TIAM1: variants seen among roughly 807,000 people sequenced by gnomAD.
TIAM1 encodes TIAM Rac1 associated GEF 1.
In TIAM1, 65 loss-of-function variants were observed where a neutral mutation model predicts 163.5. That is an observed-to-expected ratio of 0.40 (90% CI 0.33 to 0.49). The LOEUF (loss-of-function observed/expected upper bound fraction) is 0.49. Ranked by LOEUF, TIAM1 falls within the 20% of genes least tolerant of loss-of-function variation. The pLI, the probability that TIAM1 is intolerant of heterozygous loss-of-function variation, is 0.77. For missense variants in TIAM1, 1,789 were observed against 2,044.7 expected (o/e 0.87, Z 2.41); for synonymous variants, 833 against 810.1 (o/e 1.03, Z -0.48).
chr21:31,143,779 G>A (rs2082973604), intron 20 of TIAM1, among the ~76,000 whole-genome samples: 2 of 151,398 alleles, frequency 1.3e-5, no homozygotes, highest in South Asian at 4.2e-4. Context: ...CCAGGCTAGA[G>A]TGCGATGGCA....
chr21:31,558,855 G>A (rs2048989093), intron 1 of TIAM1: 1 of 152,058 alleles, frequency 6.6e-6, no homozygotes, highest in African/African-American at 2.4e-5. Flanking sequence ...CCGAGGCTCC[G>A]GGCATCCTCG....
intron 1 of TIAM1, among the ~76,000 whole-genome samples, chr21:31,535,126 T>C (rs2048088278): frequency 6.6e-6 from 1 of 150,660 alleles, no homozygotes; most frequent in South Asian, 2.1e-4. Flanking sequence ...CTCACGCCTG[T>C]AATCCCAGCA....
At chr21:31,220,268 G>A (rs956103415) in intron 8 of TIAM1, among the ~76,000 whole-genome samples, 1 of 152,202 alleles carries the variant, frequency 6.6e-6, no homozygotes, top group Non-Finnish European at 1.5e-5. Context: ...CAAGAGGACA[G>A]GATCTCTGCG....
At chr21:31,554,329 T>C (rs1445794129) in intron 1 of TIAM1, among the ~76,000 whole-genome samples, 2 of 152,166 alleles carry the variant, frequency 1.3e-5, no homozygotes, top group Non-Finnish European at 2.9e-5. Flanking sequence ...AAAATCATAC[T>C]CTAGCGGGGC....
At chr21:31,337,674 G>A (rs1239839759) in intron 2 of TIAM1, among the ~76,000 whole-genome samples, 1 of 151,838 alleles carries the variant, frequency 6.6e-6, no homozygotes, top group Non-Finnish European at 1.5e-5. Context: ...TGAGATTACA[G>A]GTATGTGCCA....
At chr21:31,334,036 T>C (rs1480440283) in intron 2 of TIAM1, among the ~76,000 whole-genome samples, 1 of 152,236 alleles carries the variant, frequency 6.6e-6, no homozygotes, top group Non-Finnish European at 1.5e-5. Context: ...AGTTACTACG[T>C]AGAGGTGAAA....
chr21:31,235,751 T>C (rs947659058), intron 6 of TIAM1, among the ~76,000 whole-genome samples: 2 of 152,214 alleles, frequency 1.3e-5, no homozygotes, highest in African/African-American at 4.8e-5. Flanking sequence ...ATACAGTTAG[T>C]AACATAATTT....
At chr21:31,457,552 CAA>C (rs1228083248) in intron 2 of TIAM1, among the ~76,000 whole-genome samples, 1 of 152,064 alleles carries the variant, frequency 6.6e-6, no homozygotes, top group Non-Finnish European at 1.5e-5. Context: ...AAAAGTAAGA[CAA>C]TGATAACAAA....
Position 31,521,844 on chromosome 21 carries a change from T to C in TIAM1, c.-422+37083A>G, listed in dbSNP as rs150765989. Among the ~76,000 whole-genome samples, 403 of 152,184 alleles carry C rather than the reference T, an allele frequency of 2.6e-3. 1 individual carries two copies. Among genetic ancestry groups the C allele is most frequent in the African/African-American group, 9.5e-3 (393 of 41,556 alleles). On this transcript the variant is annotated intron_variant, in intron 1 of 28. Coordinates refer to the TIAM1 transcript ENST00000286827. ...GTTAGAGTATCACTCTGGCCCAGGC[T>C]AGAATGCAGTGGTGCAATCTTGGCT...
intron 14 of TIAM1, 88 bp from the exon 15 acceptor site, chr21:31,182,733 C>T: frequency 7.4e-7 from 1 of 1,346,494 alleles, no homozygotes; most frequent in Non-Finnish European, 1.0e-6. Context: ...GGCACACCTG[C>T]TGTGGGTCTC....
chr21:31,206,234 G>T (rs1025315403), intron 11 of TIAM1, among the ~76,000 whole-genome samples: 7 of 152,096 alleles, frequency 4.6e-5, no homozygotes, highest in Non-Finnish European at 8.8e-5. Context: ...TGAATTATGA[G>T]CCCTTGTTAA....
chr21:31,319,186 C>T (rs968384716), intron 2 of TIAM1, among the ~76,000 whole-genome samples: 4 of 151,948 alleles, frequency 2.6e-5, no homozygotes, highest in African/African-American at 7.3e-5. Context: ...ACAAGCTAAA[C>T]ACCCAGACAG....
chr21:31,161,421 T>C (rs1429021096), intron 16 of TIAM1, among the ~76,000 whole-genome samples: 1 of 152,168 alleles, frequency 6.6e-6, no homozygotes, highest in Non-Finnish European at 1.5e-5. Context: ...AGAGAAAGGC[T>C]GCTAGACTGT....
chr21:31,385,456 C>T (rs982503345), intron 2 of TIAM1, among the ~76,000 whole-genome samples: 1 of 152,014 alleles, frequency 6.6e-6, no homozygotes, highest in Admixed American at 6.6e-5. Context: ...GGTCCCAAGG[C>T]ATTTTGGGGT....
intron 2 of TIAM1, among the ~76,000 whole-genome samples, chr21:31,350,180 C>T (rs764928992): frequency 1.1e-4 from 17 of 152,120 alleles, no homozygotes; most frequent in Non-Finnish European, 2.2e-4. Context: ...CCAGAGAGTC[C>T]CTACTGTGGG....
At chr21:31,178,072 T>C (rs1477156843) in intron 15 of TIAM1, among the ~76,000 whole-genome samples, 1 of 152,254 alleles carries the variant, frequency 6.6e-6, no homozygotes, top group Admixed American at 6.5e-5. Context: ...TTTTCTATTT[T>C]AACTGCAGTG....
chr21:31,383,245 A>G (rs1375265870), intron 2 of TIAM1, among the ~76,000 whole-genome samples: 1 of 152,178 alleles, frequency 6.6e-6, no homozygotes, highest in Admixed American at 6.5e-5. Context: ...CTCTCAAAAA[A>G]AAAAGTGTAA....
At chr21:31,237,622 T>C (rs1406637767) in intron 6 of TIAM1, among the ~76,000 whole-genome samples, 1 of 152,194 alleles carries the variant, frequency 6.6e-6, no homozygotes, top group Non-Finnish European at 1.5e-5. Context: ...CTTGCACAAG[T>C]GACTTTCTAA....
At chr21:31,544,656 C>T (rs1303158294) in intron 1 of TIAM1, among the ~76,000 whole-genome samples, 1 of 151,292 alleles carries the variant, frequency 6.6e-6, no homozygotes, top group African/African-American at 2.4e-5. Context: ...AGCAAACAAA[C>T]AGGCAGTCTA....
Sources: gnomAD v4.1 joint callset for allele counts (sites outside exome capture counted in the v4.1 genomes callset) on GRCh38, gnomAD v4.1.1 for gene constraint, MANE v1.5 for transcripts, NCBI Gene and HGNC (gene_info 2026-07-23, HGNC 2026-07-21) for gene names.